The following REST variants were observed in gnomAD, a reference collection of about 807,000 sequenced individuals.
REST encodes RE1 silencing transcription factor.
A neutral mutation model predicts 30.4 loss-of-function variants in REST; 1 was observed. That is an observed-to-expected ratio of 0.03 (90% CI 0.01 to 0.16). The LOEUF is 0.16. Among genes scored for constraint, REST ranks in the 10% least tolerant of loss-of-function variants. REST has a pLI of 1.00. For synonymous variants in REST, 504 were observed against 451.1 expected (o/e 1.12, Z -1.49); for missense variants, 1,259 against 1,329.5 (o/e 0.95, Z 0.82).
At chr4:56,924,803 T>C (rs1020816236) in intron 3 of REST, among the ~76,000 whole-genome samples, 1 of 152,144 alleles carries the variant, frequency 6.6e-6, no homozygotes, top group African/African-American at 2.4e-5. Context: ...GATTTATCCA[T>C]GTTGCGTTAT....
At chr4:56,922,724 A>G (rs1423616293) in intron 3 of REST, among the ~76,000 whole-genome samples, 1 of 152,044 alleles carries the variant, frequency 6.6e-6, no homozygotes, top group African/African-American at 2.4e-5. Context: ...AAAAAATACG[A>G]CCTTTTTTCC....
At position 56,930,722 on chromosome 4, in the gene REST, C is replaced by A. The variant is rs1720921262; in HGVS notation, c.1864C>A (p.Gln622Lys). 2 of 1,603,536 alleles carry A rather than the reference C, an allele frequency of 1.2e-6. No homozygotes were observed. The highest frequency in any genetic ancestry group is 1.7e-6 in the Non-Finnish European group (2 of 1,177,378). The change falls in exon 4 of 4, where the codon CAG becomes AAG. Residue 622 changes from glutamine (Q) to lysine (K), a missense_variant. Physicochemically the swap from Gln to Lys is moderately conservative, Grantham distance 53. This residue lies in a region of REST where 856 missense variants were observed against 772.8 expected (regional missense o/e 1.11). Coordinates refer to ENST00000309042, the MANE Select transcript of REST (RefSeq NM_005612.5). ...GGGGCCTGCTCCCACAGAGGCGGTT[C>A]AGAAGGGGCCCGTTCAGGTGGAGCC... is the stretch of plus-strand genomic sequence containing the variant. ...QMGPAPTEAV[Q>K]KGPVQVEPPP...
In REST at chr4:56,910,659, G is replaced by A. The variant is rs754058700; in HGVS notation, c.21G>A (p.Gly7=). ...CAGTTATGGCCACCCAGGTAATGGG[G>A]CAGTCTTCTGGAGGAGGAGGGCTGT... MATQVM[G]QSSGGGGLFT... is the part of the protein sequence containing the mutation. The change falls in exon 2 of 4, where the codon GGG becomes GGA. Residue 7 remains glycine (G), a synonymous_variant. Coordinates refer to ENST00000309042, the MANE Select transcript of REST (RefSeq NM_005612.5). The A allele has an allele frequency of 2.5e-6, 4 of 1,611,502 alleles. No homozygotes were observed. The highest frequency in any genetic ancestry group is 2.2e-5 in the South Asian group (2 of 91,044).
In REST at chr4:56,907,906, G is replaced by GGCGCA; in HGVS notation, c.-313_-309dup. The GGCGCA allele has an allele frequency of 4.5e-6, 1 of 223,912 alleles. No individual in the cohort carries two copies. Among genetic ancestry groups the GGCGCA allele is most frequent in the East Asian group, 8.7e-5 (1 of 11,478 alleles). The allele number at this position is 223,912 out of a possible 1,614,324, so 13.9% of individuals were successfully genotyped here. A position where few individuals can be genotyped will look rare whatever the true frequency, so the allele number is the denominator to read the frequency against. On this transcript the variant is annotated 5_prime_UTR_variant, in exon 1 of 4. Transcript: ENST00000309042. ...CGGCGGCGGCGCGGACTGGGTGCGCGGCGCAGCGTCCTGTGTTGGAATGTG... is the reference window on the plus strand; with the variant it reads ...CGGCGGCGGCGCGGACTGGGTGCGCGGCGCAGCGCAGCGTCCTGTGTTGGAATGTG...
At position 56,931,198 on chromosome 4, in the gene REST, G is replaced by A. The variant is rs1015434923; in HGVS notation, c.2340G>A (p.Glu780=). 10 of 1,614,064 alleles carry A rather than the reference G, an allele frequency of 6.2e-6. No homozygotes were observed. The highest frequency in any genetic ancestry group is 3.3e-5 in the Admixed American group (2 of 60,014). Residue 780 remains glutamate (E), a synonymous_variant, in exon 4 of 4, where the codon GAG becomes GAA. Coordinates refer to ENST00000309042, the MANE Select transcript of REST (RefSeq NM_005612.5). ...EVVQKEPVQM[E]LSPPMGVVQK... The stretch of plus-strand genomic sequence containing the variant: ...TCCAGAAGGAGCCTGTTCAGATGGA[G>A]TTGTCTCCTCCCATGGGGGTGGTTC...
rs564035212 is a variant in REST, at chr4:56,925,106, A to G, written c.983-4735A>G. ...CTTGAACCCGGGAGACGGTGGTTGC[A>G]GTGAGCCGAGATTGCGCCATTGCAC... On this transcript the variant is annotated intron_variant, in intron 3 of 3. Coordinates refer to ENST00000309042, the MANE Select transcript of REST (RefSeq NM_005612.5). 5.3e-5 allele frequency among the ~76,000 whole-genome samples: 8 copies of G among 149,696 alleles called. No homozygotes were observed. The South Asian group carries it at 1.7e-3, about 32-fold the overall frequency.
At chr4:56,928,523 C>T (rs1720811161) in intron 3 of REST, among the ~76,000 whole-genome samples, 1 of 151,934 alleles carries the variant, frequency 6.6e-6, no homozygotes, top group South Asian at 2.1e-4. Context: ...TTAAGTGGTC[C>T]TCCCGCCTTT....
intron 3 of REST, among the ~76,000 whole-genome samples, chr4:56,927,276 T>A (rs976415443): frequency 6.6e-6 from 1 of 152,206 alleles, no homozygotes; most frequent in Non-Finnish European, 1.5e-5. Context: ...TATGTTAAAA[T>A]GTTTGTCTCC....
chr4:56,919,325 A>G (rs982630122), intron 2 of REST, among the ~76,000 whole-genome samples: 2 of 152,054 alleles, frequency 1.3e-5, no homozygotes, highest in African/African-American at 4.8e-5. Context: ...ACTCAGAAGT[A>G]TTGTTTTAAG....
rs762162582 is a variant in REST at position 56,911,026 on chromosome 4, G to T, written c.388G>T (p.Ala130Ser). 1 of 1,614,164 alleles carries T rather than the reference G, an allele frequency of 6.2e-7. No individual in the cohort carries two copies. The highest frequency in any genetic ancestry group is 8.5e-7 in the Non-Finnish European group (1 of 1,180,034). The change falls in exon 2 of 4, where the codon GCT (alanine) becomes TCT (serine). Residue 130 changes from alanine (A) to serine (S), a missense_variant. By Grantham distance (99) the Ala-to-Ser change is moderately conservative. Transcript: ENST00000309042. ...EPQPVFEASG[A>S]PDIYSSNKDL... ...TCAGCCTGTATTTGAGGCATCAGGT[G>T]CTCCAGATATTTACAGTTCAAATAA...
In REST at chr4:56,935,813, A is replaced by ATAGT. The variant is rs1339293147; in HGVS notation, c.*3664_*3667dup. Reference sequence around the variant, plus strand: ...CCAATATGAGTGTATTTCTGTAAGCATAGTTATGTTGAAATAAAGTTTTAA... The same window carrying ATAGT: ...CCAATATGAGTGTATTTCTGTAAGCATAGTTAGTTATGTTGAAATAAAGTTTTAA... On this transcript the variant is annotated 3_prime_UTR_variant, in exon 4 of 4. Transcript: ENST00000309042. The ATAGT allele has an allele frequency of 6.6e-6, 1 of 152,268 alleles. No individual in the cohort carries two copies. The highest frequency in any genetic ancestry group is 2.4e-5 in the African/African-American group (1 of 41,480). 9.4% of individuals were successfully genotyped at this position (152,268 alleles called of 1,614,324 possible). A position where few individuals can be genotyped will look rare whatever the true frequency, so the allele number is the denominator to read the frequency against.
At chr4:56,912,748 G>A (rs1429509544) in intron 2 of REST, among the ~76,000 whole-genome samples, 1 of 148,074 alleles carries the variant, frequency 6.8e-6, no homozygotes, top group Non-Finnish European at 1.5e-5. Flanking sequence ...TCCTGACCTC[G>A]TGATCCGCCC....
At position 56,911,417 on chromosome 4, in the gene REST, A is replaced by T; in HGVS notation, c.779A>T (p.Glu260Val). The change falls in exon 2 of 4, where the codon GAG (glutamate) becomes GTG (valine). Residue 260 changes from glutamate (E) to valine (V), a missense_variant. By Grantham distance (121) the Glu-to-Val change is moderately radical. Coordinates refer to ENST00000309042, the MANE Select transcript of REST (RefSeq NM_005612.5). Reference protein sequence around the residue: ...CIICTYTTVSEYHWRKHLRNH... With the variant: ...CIICTYTTVSVYHWRKHLRNH... Reference sequence around the variant, plus strand: ...ATTTGCACATACACAACAGTGAGCGAGTATCACTGGAGGAAACATTTAAGA... The same window carrying T: ...ATTTGCACATACACAACAGTGAGCGTGTATCACTGGAGGAAACATTTAAGA... 1 of 1,614,184 alleles carries T rather than the reference A, an allele frequency of 6.2e-7. No individual in the cohort carries two copies. Among genetic ancestry groups the T allele is most frequent in the Non-Finnish European group, 8.5e-7 (1 of 1,179,982 alleles).
In REST at chr4:56,935,451, T is replaced by C. The variant is rs1721114252; in HGVS notation, c.*3299T>C. The stretch of plus-strand genomic sequence containing the variant: ...TAACTAAATCAGATAGCTTTTACAG[T>C]TTCACATGTGTACATAGGTTCCCTC... On this transcript the variant is annotated 3_prime_UTR_variant, in exon 4 of 4. Coordinates refer to ENST00000309042, the MANE Select transcript of REST (RefSeq NM_005612.5). 6.6e-6 allele frequency: 1 copy of C among 152,236 alleles called. No individual in the cohort carries two copies. 9.4% of individuals were successfully genotyped at this position (152,236 alleles called of 1,614,324 possible).
At chr4:56,929,142 A>G (rs377581805) in intron 3 of REST, among the ~76,000 whole-genome samples, 1 of 148,590 alleles carries the variant, frequency 6.7e-6, no homozygotes, top group African/African-American at 2.5e-5. Flanking sequence ...ATCTCAGCTC[A>G]CTGCAACCTC....
intron 3 of REST, among the ~76,000 whole-genome samples, chr4:56,927,945 C>T (rs754330375): frequency 4.6e-5 from 7 of 152,268 alleles, no homozygotes; most frequent in Admixed American, 6.5e-5. Context: ...CTTGCCATGA[C>T]GGACAGAAGG....
chr4:56,924,128 GA>G (rs1371124763), intron 3 of REST, among the ~76,000 whole-genome samples: 34 of 152,162 alleles, frequency 2.2e-4, no homozygotes, highest in African/African-American at 8.2e-4. Context: ...AAAGTGTTGG[GA>G]TTACAGGTTT....
intron 2 of REST, among the ~76,000 whole-genome samples, chr4:56,914,999 A>G (rs1226569508): frequency 7.4e-6 from 1 of 134,940 alleles, no homozygotes; most frequent in Non-Finnish European, 1.5e-5. Context: ...ATCTCGGCTC[A>G]CTGCAACCTC....
At position 56,933,707 on chromosome 4, in the gene REST, C is replaced by G. The variant is rs1721052643; in HGVS notation, c.*1555C>G. 1 of 152,126 alleles carries G rather than the reference C, an allele frequency of 6.6e-6. No individual in the cohort carries two copies. The highest frequency in any genetic ancestry group is 2.1e-4 in the South Asian group (1 of 4,822). The allele number at this position is 152,126 out of a possible 1,614,324, so 9.4% of individuals were successfully genotyped here. ...AAAACATTTTTGTAGGTTCTTTGGC[C>G]AGTTGCCAAAGAGTGTGAAAGAATC... On this transcript the variant is annotated 3_prime_UTR_variant, in exon 4 of 4. Coordinates refer to ENST00000309042, the MANE Select transcript of REST (RefSeq NM_005612.5).
Sources: gnomAD v4.1 joint callset for allele counts (sites outside exome capture counted in the v4.1 genomes callset) on GRCh38, gnomAD v4.1.1 for gene constraint, gnomAD v4.1.1 regional missense constraint, MANE v1.5 for transcripts, NCBI Gene and HGNC (gene_info 2026-07-23, HGNC 2026-07-21) for gene names.